The following MROH7 variants were observed in gnomAD, a reference collection of about 807,000 sequenced individuals.
The protein encoded by MROH7 is maestro heat-like repeat-containing protein family member 7.
A neutral mutation model predicts 129.2 loss-of-function variants in MROH7; 113 were observed. The observed-to-expected ratio is 0.87, with a 90% CI of 0.75 to 1.02. The LOEUF is 1.02. MROH7 is among the 50% of genes least tolerant of loss of function. MROH7 has a pLI of 0.00. For missense variants in MROH7, 1,601 were observed against 1,671.3 expected (o/e 0.96, Z 0.73); for synonymous variants, 655 against 667.9 (o/e 0.98, Z 0.30).
intron 14 of MROH7, among the ~76,000 whole-genome samples, chr1:54,685,040 C>T (rs2101146359): frequency 6.7e-6 from 1 of 148,610 alleles, no homozygotes; most frequent in South Asian, 2.1e-4. Flanking sequence ...GAGACTGAGT[C>T]TTGCTCTATC....
Position 54,670,209 on chromosome 1 carries a change from C to G in MROH7, c.1390-288C>G, listed in dbSNP as rs578122053. Among the ~76,000 whole-genome samples the G allele has an allele frequency of 5.3e-5, 8 of 152,234 alleles. No homozygotes were observed. In the East Asian group the frequency reaches 1.4e-3, roughly 26 times the overall value. Reference sequence around the variant, plus strand: ...GGAGGCCAGGCATGGTGGCTCATGTCTTTAATCCCAGCATTTTGGGAGGCC... The same window carrying G: ...GGAGGCCAGGCATGGTGGCTCATGTGTTTAATCCCAGCATTTTGGGAGGCC... On this transcript the variant is annotated intron_variant, in intron 5 of 23. Coordinates refer to ENST00000421030, the MANE Select transcript of MROH7 (RefSeq NM_001039464.4).
At chr1:54,663,187 ATTTATTT>A (rs1487201142) in intron 3 of MROH7, among the ~76,000 whole-genome samples, 2 of 149,894 alleles carry the variant, frequency 1.3e-5, no homozygotes, top group African/African-American at 5.0e-5. Flanking sequence ...CAAACTTTCC[ATTTATTT>A]ATTTATTTAT....
At chr1:54,699,760 C>G (rs1391895028) in intron 17 of MROH7, 1 of 310,988 alleles carries the variant, frequency 3.2e-6, no homozygotes, top group East Asian at 5.4e-5. Context: ...GATGGAGGCA[C>G]TGAAGGTTTC....
chr1:54,652,350 G>A (rs1248101965), intron 2 of MROH7, among the ~76,000 whole-genome samples: 1 of 152,110 alleles, frequency 6.6e-6, no homozygotes, highest in Non-Finnish European at 1.5e-5. Flanking sequence ...CTCATAAGGA[G>A]GCTCTTCCTT....
chr1:54,667,054 A>G (rs1644825458), intron 4 of MROH7, among the ~76,000 whole-genome samples: 2 of 152,156 alleles, frequency 1.3e-5, no homozygotes, highest in Admixed American at 6.5e-5. Flanking sequence ...CAACACATTT[A>G]ATTGAGCCTC....
intron 3 of MROH7, among the ~76,000 whole-genome samples, chr1:54,658,953 G>A (rs887160574): frequency 6.6e-6 from 1 of 152,306 alleles, no homozygotes; most frequent in East Asian, 1.9e-4. Flanking sequence ...GGGTTGGGGG[G>A]ACAACTGCTC....
At chr1:54,675,285 G>C (rs1429762320) in intron 10 of MROH7, among the ~76,000 whole-genome samples, 1 of 152,158 alleles carries the variant, frequency 6.6e-6, no homozygotes. Flanking sequence ...CTAAATTCAT[G>C]CTTTTTGAAA....
chr1:54,673,619 A>G (rs1644935822), intron 8 of MROH7, 82 bp from the exon 9 acceptor site: 2 of 994,252 alleles, frequency 2.0e-6, no homozygotes, highest in East Asian at 4.8e-5. Context: ...CTTCCTGCTG[A>G]TGGGTGAAGG....
chr1:54,695,319 C>T (rs115685649), intron 16 of MROH7, 57 bp from the exon 17 acceptor site: 4 of 931,052 alleles, frequency 4.3e-6, no homozygotes, highest in South Asian at 2.9e-5. Flanking sequence ...AAATCCCCCC[C>T]ACAGGTCCCC....
intron 11 of MROH7, 100 bp from the exon 12 acceptor site, chr1:54,679,163 T>C (rs1265065586): frequency 2.5e-6 from 3 of 1,199,544 alleles, no homozygotes; most frequent in Non-Finnish European, 3.7e-6. Context: ...GACCTCTGCA[T>C]GTGGGCGTCA....
intron 21 of MROH7, among the ~76,000 whole-genome samples, chr1:54,704,213 T>C (rs1645490117): frequency 6.6e-6 from 1 of 152,120 alleles, no homozygotes; most frequent in South Asian, 2.1e-4. Context: ...CAGTGGGAAA[T>C]AGAGGTCTGG....
chr1:54,662,657 G>C (rs892237202), intron 3 of MROH7, among the ~76,000 whole-genome samples: 2 of 152,104 alleles, frequency 1.3e-5, no homozygotes, highest in African/African-American at 4.8e-5. Context: ...TACAAAAAAG[G>C]ATAAAATATA....
intron 17 of MROH7, chr1:54,699,095 T>TTTCTTTCTTTCC (rs1258423930): frequency 3.9e-5 from 1 of 25,692 alleles, no homozygotes; most frequent in East Asian, 1.0e-3. Flanking sequence ...TGCCTGGCCT[T>TTTCTTTCTTTCC]TTCTTTCTTT....
At chr1:54,659,025 T>G (rs1644690196) in intron 3 of MROH7, 3 of 377,146 alleles carry the variant, frequency 8.0e-6, no homozygotes. Context: ...AGACTAGTTT[T>G]GCTTATTCTT....
At position 54,695,444 on chromosome 1, in the gene MROH7, G is replaced by C; in HGVS notation, c.2918G>C (p.Arg973Pro). ...TACCTGCTCATCCCGCTCCTGGAGC[G>C]AGGCGACGAGAAGCACAGGATCACG... is the stretch of plus-strand genomic sequence containing the variant. ...ILYLLIPLLE[R>P]GDEKHRITAT... The change falls in exon 17 of 24, where the codon CGA (arginine) becomes CCA (proline). Residue 973 changes from arginine to proline, a missense_variant. Coordinates refer to ENST00000421030, the MANE Select transcript of MROH7 (RefSeq NM_001039464.4). 6.2e-7 allele frequency: 1 copy of C among 1,613,934 alleles called. No individual in the cohort carries two copies. The highest frequency in any genetic ancestry group is 1.3e-5 in the African/African-American group (1 of 75,060).
chr1:54,678,810 T>C lies in MROH7; in HGVS notation c.2005T>C (p.Tyr669His). The C allele has an allele frequency of 1.2e-6, 2 of 1,612,128 alleles. No homozygotes were observed. Among genetic ancestry groups the C allele is most frequent in the East Asian group, 4.5e-5 (2 of 44,808 alleles). The change falls in exon 11 of 24, where the codon TAC becomes CAC. Residue 669 changes from tyrosine (Y) to histidine (H), a missense_variant. By Grantham distance (83) the Tyr-to-His change is moderately conservative. Coordinates refer to ENST00000421030, the MANE Select transcript of MROH7 (RefSeq NM_001039464.4). The part of the protein sequence containing the change: ...YESNKHFLGP[Y>H]NPVSPCQNIL... Reference sequence around the variant, plus strand: ...GAGCAACAAGCATTTCCTGGGGCCCTACAACCCTGTGAGCCCGTGCCAGAA... The same window carrying C: ...GAGCAACAAGCATTTCCTGGGGCCCCACAACCCTGTGAGCCCGTGCCAGAA...
intron 1 of MROH7, among the ~76,000 whole-genome samples, chr1:54,647,361 G>A (rs1275302880): frequency 2.0e-5 from 3 of 152,116 alleles, no homozygotes. Context: ...TGTAATCCCA[G>A]CACTTTGGAG....
intron 13 of MROH7, among the ~76,000 whole-genome samples, chr1:54,680,341 A>T (rs1569934954): frequency 6.6e-6 from 1 of 152,184 alleles, no homozygotes; most frequent in African/African-American, 2.4e-5. Flanking sequence ...AGAACGGAGG[A>T]CCTAAACTCA....
chr1:54,680,749 A>G (rs1006380045), intron 13 of MROH7, among the ~76,000 whole-genome samples: 1 of 152,112 alleles, frequency 6.6e-6, no homozygotes, highest in South Asian at 2.1e-4. Context: ...CAAGGCAGTG[A>G]GTGATCCACA....
Sources: gnomAD v4.1 joint callset for allele counts (sites outside exome capture counted in the v4.1 genomes callset) on GRCh38, gnomAD v4.1.1 for gene constraint, MANE v1.5 for transcripts, NCBI Gene and HGNC (gene_info 2026-07-23, HGNC 2026-07-21) for gene names.